Variants in PCDH11X observed in about 807,000 individuals in gnomAD.
PCDH11X encodes the protein protocadherin-11 X-linked.
A neutral mutation model predicts 53.3 loss-of-function variants in PCDH11X; 18 were observed. The observed-to-expected ratio is 0.34, with a 90% CI of 0.23 to 0.50. The LOEUF is 0.50. Among genes scored for constraint, PCDH11X ranks in the 20% least tolerant of loss-of-function variants. The probability of loss-of-function intolerance (pLI) is 0.98; values close to 1 mark genes in which losing one functional copy is unlikely to be tolerated. For missense variants in PCDH11X, 570 were observed against 1,032.4 expected (o/e 0.55, Z 6.14); for synonymous variants, 279 against 393.3 (o/e 0.71, Z 3.44).
At chrX:92,542,104 A>G (rs1394931818) in intron 10 of PCDH11X, among the ~76,000 whole-genome samples, 1 of 111,932 alleles carries the variant, frequency 8.9e-6, no homozygotes, top group African/African-American at 3.2e-5. Flanking sequence ...TTTATAGCAT[A>G]TTCTCACACT....
intron 6 of PCDH11X, among the ~76,000 whole-genome samples, chrX:91,937,233 T>G (rs185332262): frequency 6.3e-5 from 7 of 110,660 alleles, no homozygotes; most frequent in African/African-American, 2.3e-4. Flanking sequence ...TAAATAATAG[T>G]ACATATCAGT....
intron 7 of PCDH11X, among the ~76,000 whole-genome samples, chrX:92,257,696 T>G (rs1475749171): frequency 4.4e-5 from 5 of 112,650 alleles, no homozygotes; most frequent in Non-Finnish European, 5.6e-5. Flanking sequence ...AATAATCTCC[T>G]TTGGCTCCAT....
chrX:92,117,998 C>A (rs907147912), intron 6 of PCDH11X, among the ~76,000 whole-genome samples: 1 of 109,278 alleles, frequency 9.2e-6, no homozygotes, highest in African/African-American at 3.5e-5. Context: ...GCAGAGAACA[C>A]GGAAATTAGA....
chrX:92,613,545 T>TTGTGTGTG lies in PCDH11X; in HGVS notation c.3368-4687_3368-4680dup, dbSNP rs201132708. Among the ~76,000 whole-genome samples the TTGTGTGTG allele has an allele frequency of 7.6e-5, 5 of 65,522 alleles. No individual in the cohort carries two copies. In the South Asian group the frequency reaches 2.5e-3, roughly 33 times the overall value. The allele number at this position is 65,522 out of a possible 115,157, so 56.9% of individuals were successfully genotyped here. A position where few individuals can be genotyped will look rare whatever the true frequency, so the allele number is the denominator to read the frequency against. On this transcript the variant is annotated intron_variant, in intron 10 of 10. Transcript: ENST00000682573. The stretch of plus-strand genomic sequence containing the variant: ...TTAAGTTTTTTTGTTGTTGTTGTTG[T>TTGTGTGTG]TGTGTGTGTGTGTGTGTGTGTGTGT...
chrX:92,347,357 C>T (rs774319203), intron 8 of PCDH11X, among the ~76,000 whole-genome samples: 2 of 111,512 alleles, frequency 1.8e-5, no homozygotes, highest in East Asian at 5.7e-4. Flanking sequence ...TGAAACATGG[C>T]ATTAATAGTT....
In PCDH11X at chrX:91,894,306, C is replaced by T. The variant is rs762018833; in HGVS notation, c.3033+15033C>T. 7.1e-5 allele frequency among the ~76,000 whole-genome samples: 8 copies of T among 111,924 alleles called. No individual in the cohort carries two copies. The East Asian group carries it at 2.2e-3, about 31-fold the overall frequency. On this transcript the variant is annotated intron_variant, in intron 6 of 10. Transcript: ENST00000682573. The stretch of plus-strand genomic sequence containing the variant: ...GTCGGTGACTATTTTCTTCAGTGCA[C>T]ATACCTTGGTAATAGAGGGTCATTA...
At chrX:92,212,986 T>C (rs1403811806) in intron 7 of PCDH11X, among the ~76,000 whole-genome samples, 2 of 111,987 alleles carry the variant, frequency 1.8e-5, no homozygotes, top group Admixed American at 9.5e-5. Flanking sequence ...CATGGAAAGA[T>C]TTGAGGTAAG....
chrX:91,794,003 T>A (rs2147526117), intron 1 of PCDH11X, among the ~76,000 whole-genome samples: 1 of 111,382 alleles, frequency 9.0e-6, no homozygotes, highest in Non-Finnish European at 1.9e-5. Context: ...GCAAACCCTG[T>A]TTAGTTTCTT....
chrX:92,368,544 A>T (rs1214798042), intron 8 of PCDH11X, among the ~76,000 whole-genome samples: 2 of 110,894 alleles, frequency 1.8e-5, no homozygotes, highest in Non-Finnish European at 3.8e-5. Context: ...CTTGCTGGAG[A>T]GGAGTTGCGA....
intron 7 of PCDH11X, among the ~76,000 whole-genome samples, chrX:92,212,441 C>T (rs2148338013): frequency 8.9e-6 from 1 of 111,828 alleles, no homozygotes; most frequent in Admixed American, 9.5e-5. Flanking sequence ...ACCTCCACCT[C>T]CCGGTTTCAA....
intron 6 of PCDH11X, among the ~76,000 whole-genome samples, chrX:91,975,572 A>G (rs2062034981): frequency 9.1e-6 from 1 of 110,452 alleles, no homozygotes; most frequent in Admixed American, 9.7e-5. Flanking sequence ...TACAAAAGGG[A>G]AGAAACCTTA....
intron 7 of PCDH11X, among the ~76,000 whole-genome samples, chrX:92,209,090 TA>T (rs2066533367): frequency 9.0e-6 from 1 of 111,224 alleles, no homozygotes; most frequent in Non-Finnish European, 1.9e-5. Flanking sequence ...GGATTACAAT[TA>T]AACATGAGAT....
At chrX:92,073,906 T>C (rs532510482) in intron 6 of PCDH11X, among the ~76,000 whole-genome samples, 76 of 112,261 alleles carry the variant, frequency 6.8e-4, no homozygotes, top group African/African-American at 2.4e-3. Flanking sequence ...GGATAAAAGC[T>C]GGCTATAAAC....
chrX:92,032,803 A>G (rs1602720735), intron 6 of PCDH11X, among the ~76,000 whole-genome samples: 1 of 106,373 alleles, frequency 9.4e-6, no homozygotes, highest in East Asian at 3.0e-4. Context: ...GCATATGTTG[A>G]ATAATTCTTG....
intron 6 of PCDH11X, among the ~76,000 whole-genome samples, chrX:92,012,258 G>C (rs1205004319): frequency 9.2e-6 from 1 of 108,303 alleles, no homozygotes; most frequent in Non-Finnish European, 1.9e-5. Flanking sequence ...TTATCTTAGG[G>C]AGATAGTAAA....
intron 6 of PCDH11X, among the ~76,000 whole-genome samples, chrX:91,886,189 G>T (rs181106340): frequency 9.0e-6 from 1 of 111,559 alleles, no homozygotes; most frequent in East Asian, 2.8e-4. Context: ...CAAGTTCTCA[G>T]ATATCTCCAA....
At chrX:92,608,860 T>G (rs1456880792) in intron 10 of PCDH11X, among the ~76,000 whole-genome samples, 4 of 110,865 alleles carry the variant, frequency 3.6e-5, no homozygotes, top group Non-Finnish European at 7.6e-5. Context: ...AGAGAACACT[T>G]TCATTACTCC....
At chrX:92,167,978 C>G (rs1280961103) in intron 6 of PCDH11X, among the ~76,000 whole-genome samples, 1 of 104,778 alleles carries the variant, frequency 9.5e-6, no homozygotes, top group Admixed American at 1.1e-4. Flanking sequence ...ATTTAGAGTG[C>G]ACAAGAATCC....
intron 10 of PCDH11X, among the ~76,000 whole-genome samples, chrX:92,475,468 T>C (rs2073363172): frequency 8.9e-6 from 1 of 111,739 alleles, no homozygotes; most frequent in African/African-American, 3.3e-5. Context: ...AAGTATTTTT[T>C]CTCCAGCACT....
Sources: allele counts gnomAD v4.1 joint callset (sites outside exome capture counted in the v4.1 genomes callset), GRCh38; gene constraint gnomAD v4.1.1; transcripts MANE v1.5; gene names NCBI Gene and HGNC (gene_info 2026-07-23, HGNC 2026-07-21).